Variants in CLN6 observed in about 807,000 individuals in gnomAD.
CLN6 encodes ceroid-lipofuscinosis neuronal protein 6.
In CLN6, 22 loss-of-function variants were observed where a neutral mutation model predicts 33.3. That is an observed-to-expected ratio of 0.66 (90% CI 0.47 to 0.94). CLN6 has a LOEUF of 0.94. Among genes scored for constraint, CLN6 ranks in the 40% least tolerant of loss-of-function variants. CLN6 has a pLI of 0.00. For missense variants in CLN6, 387 were observed against 417.1 expected, an observed-to-expected ratio of 0.93 and a Z score of 0.63; for synonymous variants, 201 against 174.6, an observed-to-expected ratio of 1.15 and a Z score of -1.19.
chr15:68,244,610 A>G (rs1440427004), intron 1 of CLN6, among the ~76,000 whole-genome samples: 1 of 152,206 alleles, frequency 6.6e-6, no homozygotes, highest in Non-Finnish European at 1.5e-5. Context: ...AAAAGAAAAC[A>G]TTTGAAAGCA....
Position 68,219,289 on chromosome 15 carries a change from C to T in CLN6, c.84-639G>A, listed in dbSNP as rs1306412453. Among the ~76,000 whole-genome samples the T allele has an allele frequency of 6.6e-6, 1 of 152,110 alleles. No homozygotes were observed. The highest frequency in any genetic ancestry group is 1.5e-5 in the Non-Finnish European group (1 of 68,022). ...GTGACCAGAGCTTGGCCAATCAGAG[C>T]CCTCCAATGAAATGTGCTTTAGAGA... is the stretch of plus-strand genomic sequence containing the variant. On this transcript the variant is annotated intron_variant, in intron 1 of 6. Coordinates refer to ENST00000249806, the MANE Select transcript of CLN6 (RefSeq NM_017882.3). The surrounding 1 kb of genome is among the most constrained non-coding windows in gnomAD (Gnocchi z 4.2).
chr15:68,208,049 A>G lies in CLN6; in HGVS notation c.*91T>C, dbSNP rs1218395886. 2.1e-6 allele frequency: 3 copies of G among 1,411,550 alleles called. No homozygotes were observed. The highest frequency in any genetic ancestry group is 2.9e-6 in the Non-Finnish European group (3 of 1,027,254). The allele number at this position is 1,411,550 out of a possible 1,614,324, so 87.4% of individuals were successfully genotyped here. ...CCACTCATGCTCTCGGTCTCTGGTT[A>G]CACACCCACACCCCCCCTACTCCTG... On this transcript the variant is annotated 3_prime_UTR_variant, in exon 7 of 7. Transcript: ENST00000249806. The surrounding 1 kb of genome is among the most constrained non-coding windows in gnomAD (Gnocchi z 5.8).
intron 1 of CLN6, among the ~76,000 whole-genome samples, chr15:68,244,092 CA>C (rs1044427025): frequency 1.6e-4 from 19 of 116,478 alleles, no homozygotes; most frequent in African/African-American, 4.8e-4. Context: ...AAAAAACAAA[CA>C]AAAAAAAAAC....
In CLN6 at chr15:68,226,574, C is replaced by T. The variant is rs200101633; in HGVS notation, c.83+2928G>A. ...CTCCGCCTCCTGAGTTCAAGTAATT[C>T]TCCTGCCTCAGCCTCCCGAGTAGCT... On this transcript the variant is annotated intron_variant, in intron 1 of 6. Transcript: ENST00000249806. Among the ~76,000 whole-genome samples, 7 of 152,146 alleles carry T rather than the reference C, an allele frequency of 4.6e-5. No homozygotes were observed. In the East Asian group the frequency reaches 1.4e-3, roughly 30 times the overall value.
intron 1 of CLN6, 70 bp from the exon 2 acceptor site, chr15:68,218,720 G>C: frequency 8.7e-7 from 1 of 1,143,358 alleles, no homozygotes; most frequent in Non-Finnish European, 1.3e-6. Flanking sequence ...CCTGAGATTA[G>C]CCACAAAGAG....
Position 68,210,568 on chromosome 15 carries a change from A to G in CLN6, c.542+695T>C, listed in dbSNP as rs1354448753. Among the ~76,000 whole-genome samples the G allele has an allele frequency of 1.3e-5, 2 of 151,936 alleles. No individual in the cohort carries two copies. The highest frequency in any genetic ancestry group is 2.9e-5 in the Non-Finnish European group (2 of 67,982). On this transcript the variant is annotated intron_variant, in intron 5 of 6. Coordinates refer to ENST00000249806, the MANE Select transcript of CLN6 (RefSeq NM_017882.3). The surrounding 1 kb of genome is among the most constrained non-coding windows in gnomAD (Gnocchi z 5.6). ...TGAGCCGGGTCCAGGGCTGGCCCTC[A>G]CCTCCCAGCTGCAGCCTTCGGAGCC...
In CLN6 at chr15:68,234,742, C is replaced by T. The variant is rs185597344; in HGVS notation, c.180-16092G>A. Among the ~76,000 whole-genome samples, 12 of 152,310 alleles carry T rather than the reference C, an allele frequency of 7.9e-5. No homozygotes were observed. The East Asian group carries it at 2.1e-3, about 27-fold the overall frequency. Reference sequence around the variant, plus strand: ...CTCTTAACAGTTGACAAAGGCCGGGCGCGGTGGCTCACGCATGTAATCCCA... The same window carrying T: ...CTCTTAACAGTTGACAAAGGCCGGGTGCGGTGGCTCACGCATGTAATCCCA... On this transcript the variant is annotated intron_variant, in intron 1 of 6. Transcript: ENST00000538696. This position sits in a 1 kb window ranked among gnomAD's most constrained non-coding sequence, Gnocchi z 4.1.
Position 68,220,227 on chromosome 15 carries a change from C to G in CLN6, c.84-1577G>C, listed in dbSNP as rs1382037785. Among the ~76,000 whole-genome samples, 2 of 152,188 alleles carry G rather than the reference C, an allele frequency of 1.3e-5. No individual in the cohort carries two copies. The highest frequency in any genetic ancestry group is 4.8e-5 in the African/African-American group (2 of 41,448). ...TGTCCCCTCTACTCGGTATCTTCCA[C>G]CCCCTCACTGAACACCAACTATGTG... is the stretch of plus-strand genomic sequence containing the variant. On this transcript the variant is annotated intron_variant, in intron 1 of 6. Coordinates refer to ENST00000249806, the MANE Select transcript of CLN6 (RefSeq NM_017882.3). The surrounding 1 kb of genome is among the most constrained non-coding windows in gnomAD (Gnocchi z 4.2).
chr15:68,256,098 TTTTTA>T lies in CLN6; in HGVS notation c.179+587_179+591del, dbSNP rs986870850. Among the ~76,000 whole-genome samples, 4 of 152,116 alleles carry T rather than the reference TTTTTA, an allele frequency of 2.6e-5. No individual in the cohort carries two copies. Among genetic ancestry groups the T allele is most frequent in the African/African-American group, 9.6e-5 (4 of 41,512 alleles). ...GTCACCGCCCCCAGCCTTTCCCCTC[TTTTTA>T]TTTTATTATTATTATTTTTTTGAGA... On this transcript the variant is annotated intron_variant, in intron 1 of 6. Transcript: ENST00000538696. The surrounding 1 kb of genome is among the most constrained non-coding windows in gnomAD (Gnocchi z 4.1).
At position 68,241,902 on chromosome 15, in the gene CLN6, TAAAC is replaced by T. The variant is rs1280264158; in HGVS notation, c.179+14784_179+14787del. On this transcript the variant is annotated intron_variant, in intron 1 of 6. Coordinates refer to the CLN6 transcript ENST00000538696. This position sits in a 1 kb window ranked among gnomAD's most constrained non-coding sequence, Gnocchi z 4.2. The stretch of plus-strand genomic sequence containing the variant: ...AAGGAGGTAGTGACCTAGTGGAAAA[TAAAC>T]AAACAAATAAGAAATTCAGCAGTAT... Among the ~76,000 whole-genome samples, 3 of 151,756 alleles carry T rather than the reference TAAAC, an allele frequency of 2.0e-5. No homozygotes were observed. The highest frequency in any genetic ancestry group is 4.4e-5 in the Non-Finnish European group (3 of 67,954).
chr15:68,243,769 A>AC (rs1480807540), intron 1 of CLN6, among the ~76,000 whole-genome samples: 2 of 151,282 alleles, frequency 1.3e-5, no homozygotes, highest in African/African-American at 4.9e-5. Flanking sequence ...AAAAAAAAAA[A>AC]ACACAAAAAA....
upstream of CLN6, among the ~76,000 whole-genome samples, chr15:68,230,831 A>G (rs943961293): frequency 3.9e-5 from 6 of 152,330 alleles, no homozygotes; most frequent in Non-Finnish European, 7.3e-5. This position sits in a 1 kb window ranked among gnomAD's most constrained non-coding sequence, Gnocchi z 4.0. Flanking sequence ...CACTGTCAGC[A>G]GCCCAGGCCG....
upstream of CLN6, chr15:68,257,167 A>C: frequency 3.4e-6 from 1 of 292,300 alleles, no homozygotes; most frequent in Non-Finnish European, 6.3e-6. Context: ...AGGCAGCGGA[A>C]CGCACGCGCC....
In CLN6 at chr15:68,247,300, C is replaced by A. The variant is rs1258014976; in HGVS notation, c.179+9390G>T. ...CCAAAAAACTGTTAGAACTGATAAA[C>A]AAATGCAGTAAAGTCGCTGGATACA... On this transcript the variant is annotated intron_variant, in intron 1 of 6. Transcript: ENST00000538696. The surrounding 1 kb of genome is among the most constrained non-coding windows in gnomAD (Gnocchi z 4.2). 6.6e-6 allele frequency among the ~76,000 whole-genome samples: 1 copy of A among 152,056 alleles called. No homozygotes were observed. The highest frequency in any genetic ancestry group is 1.5e-5 in the Non-Finnish European group (1 of 68,004).
upstream of CLN6, among the ~76,000 whole-genome samples, chr15:68,234,189 C>G (rs1381770331): frequency 2.0e-5 from 3 of 152,248 alleles, no homozygotes; most frequent in Non-Finnish European, 4.4e-5. This position sits in a 1 kb window ranked among gnomAD's most constrained non-coding sequence, Gnocchi z 4.1. Context: ...ATCCTTCTCT[C>G]TTTCTCCCTG....
At chr15:68,248,413 C>G (rs558756388) in intron 1 of CLN6, 1 of 152,088 alleles carries the variant, frequency 6.6e-6, no homozygotes, top group South Asian at 2.1e-4. Context: ...CTTCGGAGGC[C>G]GAGGTGGGCG....
At chr15:68,217,289 C>T (rs548481189) in intron 2 of CLN6, among the ~76,000 whole-genome samples, 3 of 152,214 alleles carry the variant, frequency 2.0e-5, no homozygotes, top group South Asian at 2.1e-4. Context: ...TGGAGTGCAG[C>T]GGTGTGATCA....
chr15:68,225,064 AC>A (rs1156308986), intron 1 of CLN6, among the ~76,000 whole-genome samples: 1 of 152,190 alleles, frequency 6.6e-6, no homozygotes, highest in East Asian at 1.9e-4. Flanking sequence ...GCGGTAACCC[AC>A]AAATGGGGAC....
chr15:68,229,282 G>A (rs1338009102), intron 1 of CLN6, among the ~76,000 whole-genome samples: 1 of 152,192 alleles, frequency 6.6e-6, no homozygotes, highest in East Asian at 1.9e-4. Context: ...GAAGCGGGGA[G>A]GCCGAGCCCC....
Sources: gnomAD v4.1 joint callset for allele counts (sites outside exome capture counted in the v4.1 genomes callset) on GRCh38, gnomAD v4.1.1 for gene constraint, Gnocchi (gnomAD v3.1) non-coding constraint, MANE v1.5 for transcripts, NCBI Gene and HGNC (gene_info 2026-07-23, HGNC 2026-07-21) for gene names.